Variants in ERBB4 observed in about 807,000 individuals in gnomAD.
ERBB4 encodes erb-b2 receptor tyrosine kinase 4.
A neutral mutation model predicts 158.0 loss-of-function variants in ERBB4; 42 were observed. The ratio of observed to expected loss-of-function variants is 0.27; its 90% confidence interval spans 0.21 to 0.34. The LOEUF (loss-of-function observed/expected upper bound fraction) is 0.34. ERBB4 is among the 10% of genes least tolerant of loss of function. The pLI is 1.00. For missense variants in ERBB4, 1,333 were observed against 1,624.1 expected, an observed-to-expected ratio of 0.82 and a Z score of 3.08; for synonymous variants, 583 against 558.7, an observed-to-expected ratio of 1.04 and a Z score of -0.61.
intron 20 of ERBB4, among the ~76,000 whole-genome samples, chr2:211,511,395 A>T (rs1020886184): frequency 6.6e-6 from 1 of 152,120 alleles, no homozygotes; most frequent in Non-Finnish European, 1.5e-5. Context: ...GAATAAATAC[A>T]GACAGATATA....
At chr2:211,576,423 C>A (rs546721800) in intron 19 of ERBB4, among the ~76,000 whole-genome samples, 2 of 152,160 alleles carry the variant, frequency 1.3e-5, no homozygotes, top group African/African-American at 4.8e-5. Flanking sequence ...TTCCATAATG[C>A]CTGCCCTAGG....
chr2:211,378,818 G>A lies in ERBB4; in HGVS notation c.*4797C>T. On this transcript the variant is annotated 3_prime_UTR_variant, in exon 28 of 28. Coordinates refer to ENST00000342788, the MANE Select transcript of ERBB4 (RefSeq NM_005235.3). ...CAAACTGATACACACCGAAGTCCAT[G>A]TACACAAACAGAGGCACAGTAAGAT... 1 of 232,382 alleles carries A rather than the reference G, an allele frequency of 4.3e-6. No homozygotes were observed. Among genetic ancestry groups the A allele is most frequent in the East Asian group, 6.1e-5 (1 of 16,502 alleles). 14.4% of individuals were successfully genotyped at this position (232,382 alleles called of 1,614,324 possible). A position where few individuals can be genotyped will look rare whatever the true frequency, so the allele number is the denominator to read the frequency against.
rs1180689915 is a variant in ERBB4 at position 212,191,897 on chromosome 2, TTA to T, written c.83-66996_83-66995del. Among the ~76,000 whole-genome samples the T allele has an allele frequency of 3.0e-4, 41 of 135,702 alleles. 2 individuals are homozygous for T. Among genetic ancestry groups the T allele is most frequent in the East Asian group, 2.4e-3 (11 of 4,674 alleles). The allele number at this position is 135,702 out of a possible 152,430, so 89.0% of individuals were successfully genotyped here. A position where few individuals can be genotyped will look rare whatever the true frequency, so the allele number is the denominator to read the frequency against. On this transcript the variant is annotated intron_variant, in intron 1 of 27. Transcript: ENST00000342788. Reference sequence around the variant, plus strand: ...TAATACATATGTTACATGTTATATATTATATATGATACATATGTTATATATGT... The same window carrying T: ...TAATACATATGTTACATGTTATATATTATATGATACATATGTTATATATGT...
chr2:212,253,077 T>G (rs1237587399), intron 1 of ERBB4, among the ~76,000 whole-genome samples: 1 of 152,150 alleles, frequency 6.6e-6, no homozygotes, highest in Non-Finnish European at 1.5e-5. Flanking sequence ...TTCATTAGCT[T>G]ACTTTTCTTA....
intron 3 of ERBB4, among the ~76,000 whole-genome samples, chr2:211,839,205 AAG>A (rs60603782): frequency 0.21 from 31,115 of 145,826 alleles, 3,631 homozygotes; most frequent in South Asian, 0.32. Flanking sequence ...GAAAGAAAGA[AAG>A]AGAGAGAGAG....
intron 3 of ERBB4, among the ~76,000 whole-genome samples, chr2:211,840,311 T>A (rs2105998261): frequency 6.6e-6 from 1 of 152,140 alleles, no homozygotes; most frequent in African/African-American, 2.4e-5. Flanking sequence ...CCACCATGAT[T>A]GTGAGGTCTC....
intron 7 of ERBB4, among the ~76,000 whole-genome samples, chr2:211,717,039 T>C (rs1230353848): frequency 6.6e-6 from 1 of 152,206 alleles, no homozygotes; most frequent in Non-Finnish European, 1.5e-5. Flanking sequence ...AATTCTCTAA[T>C]TCAAATTTTC....
chr2:211,718,106 TTCACTA>T, intron 7 of ERBB4, among the ~76,000 whole-genome samples: 1 of 152,218 alleles, frequency 6.6e-6, no homozygotes, highest in East Asian at 1.9e-4. Context: ...CAGATGGGGT[TTCACTA>T]TGTTGGCCAG....
chr2:211,820,081 C>T (rs779625260), intron 3 of ERBB4, among the ~76,000 whole-genome samples: 2 of 151,696 alleles, frequency 1.3e-5, no homozygotes, highest in Non-Finnish European at 3.0e-5. Flanking sequence ...AACCATTATT[C>T]TAATGGTTAA....
chr2:212,023,766 A>G (rs2076711253), intron 2 of ERBB4, among the ~76,000 whole-genome samples: 2 of 152,090 alleles, frequency 1.3e-5, no homozygotes, highest in South Asian at 4.1e-4. Flanking sequence ...GATTCAATTA[A>G]ATCAAATGTC....
At position 211,891,673 on chromosome 2, in the gene ERBB4, G is replaced by C. The variant is rs996953159; in HGVS notation, c.421+55757C>G. ...ATAGACCACTAGCAAGACTAATAAA[G>C]AAAAAAAGAGAGAAGAATCAAATAG... On this transcript the variant is annotated intron_variant, in intron 3 of 27. Transcript: ENST00000342788. 1.9e-4 allele frequency among the ~76,000 whole-genome samples: 24 copies of C among 125,952 alleles called. 2 individuals carry two copies. Among genetic ancestry groups the C allele is most frequent in the Non-Finnish European group, 2.1e-4 (13 of 60,566 alleles). 82.6% of individuals were successfully genotyped at this position (125,952 alleles called of 152,430 possible).
At chr2:211,729,695 G>A (rs1376310510) in intron 5 of ERBB4, among the ~76,000 whole-genome samples, 2 of 151,446 alleles carry the variant, frequency 1.3e-5, no homozygotes, top group African/African-American at 2.4e-5. Context: ...ATTACAATGG[G>A]GACACAAAAC....
At chr2:212,133,476 T>A (rs2080175001) in intron 1 of ERBB4, among the ~76,000 whole-genome samples, 1 of 151,498 alleles carries the variant, frequency 6.6e-6, no homozygotes, top group African/African-American at 2.4e-5. Flanking sequence ...TTTACCTTTT[T>A]ATGATATGTC....
At chr2:211,934,306 G>T (rs2125105452) in intron 3 of ERBB4, among the ~76,000 whole-genome samples, 1 of 151,822 alleles carries the variant, frequency 6.6e-6, no homozygotes, top group South Asian at 2.1e-4. Context: ...TTTATACTTG[G>T]ATATTTCAAA....
intron 1 of ERBB4, among the ~76,000 whole-genome samples, chr2:212,533,263 A>T (rs964372659): frequency 1.3e-5 from 2 of 152,258 alleles, no homozygotes; most frequent in African/African-American, 4.8e-5. Context: ...TTTAGATTAC[A>T]TGTGCAATTT....
intron 1 of ERBB4, among the ~76,000 whole-genome samples, chr2:212,221,897 A>G (rs562415347): frequency 1.3e-5 from 2 of 151,508 alleles, no homozygotes; most frequent in Admixed American, 1.3e-4. Flanking sequence ...ATCTCTTGAT[A>G]TTTGTAAAGA....
At chr2:211,704,240 AG>A in intron 10 of ERBB4, 46 bp from the exon 11 acceptor site, 1 of 1,179,838 alleles carries the variant, frequency 8.5e-7, no homozygotes, top group Non-Finnish European at 1.3e-6. Flanking sequence ...TCATTGTCTT[AG>A]TATTAGTGCT....
intron 2 of ERBB4, among the ~76,000 whole-genome samples, chr2:212,068,475 T>A (rs1483941569): frequency 6.6e-6 from 1 of 151,970 alleles, no homozygotes. Context: ...TTCCAAGAAA[T>A]CAGGAAAGAT....
intron 2 of ERBB4, among the ~76,000 whole-genome samples, chr2:212,102,069 C>A (rs2079098917): frequency 1.1e-5 from 1 of 93,992 alleles, no homozygotes; most frequent in African/African-American, 3.2e-5. Context: ...TGGAGAAAAT[C>A]ATATACGTTG....
Sources: allele counts gnomAD v4.1 joint callset (sites outside exome capture counted in the v4.1 genomes callset), GRCh38; gene constraint gnomAD v4.1.1; transcripts MANE v1.5; gene names NCBI Gene and HGNC (gene_info 2026-07-23, HGNC 2026-07-21).